Variants in C2orf69 observed in about 807,000 individuals in gnomAD.
The protein encoded by C2orf69 is mitochondrial protein C2orf69.
In C2orf69, 19 loss-of-function variants were observed where a neutral mutation model predicts 29.5. That is an observed-to-expected ratio of 0.65 (90% CI 0.45 to 0.95). C2orf69 has a LOEUF of 0.95. C2orf69 is among the 40% of genes least tolerant of loss of function. The pLI is 0.00. For missense variants in C2orf69, 416 were observed against 482.1 expected, an observed-to-expected ratio of 0.86 and a Z score of 1.28; for synonymous variants, 194 against 180.0, an observed-to-expected ratio of 1.08 and a Z score of -0.62.
chr2:199,923,339 G>C (rs1006048487), intron 1 of C2orf69, among the ~76,000 whole-genome samples: 6 of 152,124 alleles, frequency 3.9e-5, no homozygotes, highest in Non-Finnish European at 5.9e-5. Context: ...CTAATCACTT[G>C]TGGCTATTGC....
chr2:199,911,671 G>C lies in C2orf69; in HGVS notation c.233G>C (p.Gly78Ala), dbSNP rs1559290602. The part of the protein sequence containing the change: ...SNELLLLAAA[G>A]EGLERQDLPG... ...GAATTGCTCCTGTTGGCGGCGGCCG[G>C]GGAGGGACTGGAGCGGCAGGACCTC... The change falls in exon 1 of 2, where the codon GGG becomes GCG. Residue 78 changes from glycine (G) to alanine (A), a missense_variant. This residue lies in a region of C2orf69 where 175 missense variants were observed against 139.9 expected (regional missense o/e 1.25). Coordinates refer to ENST00000319974, the MANE Select transcript of C2orf69 (RefSeq NM_153689.6). 4.5e-6 allele frequency: 7 copies of C among 1,548,026 alleles called. No homozygotes were observed. The highest frequency in any genetic ancestry group is 6.1e-6 in the Non-Finnish European group (7 of 1,146,810).
At chr2:199,918,448 G>A (rs538439372) in intron 1 of C2orf69, among the ~76,000 whole-genome samples, 6 of 152,126 alleles carry the variant, frequency 3.9e-5, no homozygotes, top group South Asian at 4.2e-4. Flanking sequence ...TGCAACCTCC[G>A]TCTCCCGGGT....
chr2:199,921,714 A>G (rs1287131027), intron 1 of C2orf69, among the ~76,000 whole-genome samples: 1 of 152,066 alleles, frequency 6.6e-6, no homozygotes, highest in Non-Finnish European at 1.5e-5. Flanking sequence ...AAAACTATGT[A>G]TAAGCTTATT....
rs762882770 is a variant in C2orf69, at chr2:199,911,684, G to A, written c.246G>A (p.Glu82=). 68 of 1,547,082 alleles carry A rather than the reference G, an allele frequency of 4.4e-5. 1 individual carries two copies. In the South Asian group the frequency reaches 5.4e-4, roughly 12 times the overall value. Residue 82 remains glutamate, a synonymous_variant, in exon 1 of 2, where the codon GAG becomes GAA. Coordinates refer to ENST00000319974, the MANE Select transcript of C2orf69 (RefSeq NM_153689.6). ...TGGCGGCGGCCGGGGAGGGACTGGA[G>A]CGGCAGGACCTCCCCGGGGACCCAG... ...LLLAAAGEGL[E]RQDLPGDPAK... is the part of the protein sequence containing the mutation.
intron 1 of C2orf69, among the ~76,000 whole-genome samples, chr2:199,922,053 A>G (rs1302567882): frequency 7.2e-6 from 1 of 139,824 alleles, no homozygotes; most frequent in African/African-American, 2.6e-5. Flanking sequence ...ATATATATAT[A>G]TGCTTCCAGA....
At chr2:199,914,078 C>T (rs915709897) in intron 1 of C2orf69, among the ~76,000 whole-genome samples, 2 of 152,280 alleles carry the variant, frequency 1.3e-5, no homozygotes, top group African/African-American at 4.8e-5. Context: ...TGTGTGGATA[C>T]TAAATGAGTT....
At position 199,911,510 on chromosome 2, in the gene C2orf69, C is replaced by T. The variant is rs2077258377; in HGVS notation, c.72C>T (p.Ala24=). ...LLLPQLGIGN[A]SSCSQARTMN... ...TGCCGCAGCTCGGAATCGGAAACGC[C>T]TCGTCCTGCTCTCAGGCCAGAACCA... The change falls in exon 1 of 2, where the codon GCC becomes GCT. Residue 24 remains alanine (A), a synonymous_variant. Transcript: ENST00000319974. 1.9e-6 allele frequency: 3 copies of T among 1,548,868 alleles called. No homozygotes were observed. The highest frequency in any genetic ancestry group is 1.4e-5 in the African/African-American group (1 of 72,892).
chr2:199,913,481 A>AGT (rs1553564911), intron 1 of C2orf69, among the ~76,000 whole-genome samples: 2 of 104,686 alleles, frequency 1.9e-5, no homozygotes, highest in South Asian at 2.4e-4. Flanking sequence ...TATTATATAA[A>AGT]ATATATATTA....
intron 1 of C2orf69, among the ~76,000 whole-genome samples, chr2:199,918,431 G>T (rs978010761): frequency 2.0e-5 from 3 of 151,940 alleles, no homozygotes; most frequent in Non-Finnish European, 4.4e-5. Flanking sequence ...GTACAATCTC[G>T]GCTCACTGCA....
chr2:199,916,804 T>C (rs1488612749), intron 1 of C2orf69, among the ~76,000 whole-genome samples: 1 of 152,220 alleles, frequency 6.6e-6, no homozygotes, highest in Middle Eastern at 3.2e-3. Flanking sequence ...CCAGGCTGCC[T>C]TCATGGCTGG....
rs2077321548 is a variant in C2orf69 at position 199,922,625 on chromosome 2, A to T, written c.334-2437A>T. 2.6e-5 allele frequency among the ~76,000 whole-genome samples: 4 copies of T among 152,198 alleles called. No homozygotes were observed. The South Asian group carries it at 8.3e-4, about 32-fold the overall frequency. On this transcript the variant is annotated intron_variant, in intron 1 of 1. Transcript: ENST00000319974. ...TTAAAACTGATAGATACTGTATATC[A>T]CCATTAGAAATAAGGAAAACTCACA...
At position 199,911,562 on chromosome 2, in the gene C2orf69, C is replaced by G; in HGVS notation, c.124C>G (p.Arg42Gly). 1 of 1,549,734 alleles carries G rather than the reference C, an allele frequency of 6.5e-7. No homozygotes were observed. The highest frequency in any genetic ancestry group is 8.7e-7 in the Non-Finnish European group (1 of 1,146,710). The change falls in exon 1 of 2, where the codon CGA becomes GGA. Residue 42 changes from arginine to glycine, a missense_variant. Coordinates refer to ENST00000319974, the MANE Select transcript of C2orf69 (RefSeq NM_153689.6). ...GAACCCGGGCGGCAGCGGCGGCGCG[C>G]GATGCTCCCTCTCGGCCGAGGTGCG... is the stretch of plus-strand genomic sequence containing the variant. ...TMNPGGSGGA[R>G]CSLSAEVRRR...
chr2:199,911,683 A>G lies in C2orf69; in HGVS notation c.245A>G (p.Glu82Gly). Residue 82 changes from glutamate (E) to glycine (G), a missense_variant, in exon 1 of 2, where the codon GAG becomes GGG. Coordinates refer to ENST00000319974, the MANE Select transcript of C2orf69 (RefSeq NM_153689.6). ...LLLAAAGEGL[E>G]RQDLPGDPAK... ...TTGGCGGCGGCCGGGGAGGGACTGG[A>G]GCGGCAGGACCTCCCCGGGGACCCA... 1 of 1,547,134 alleles carries G rather than the reference A, an allele frequency of 6.5e-7. No homozygotes were observed. The highest frequency in any genetic ancestry group is 1.4e-5 in the African/African-American group (1 of 73,140).
rs185630507 is a variant in C2orf69 at position 199,922,254 on chromosome 2, C to T, written c.334-2808C>T. On this transcript the variant is annotated intron_variant, in intron 1 of 1. Transcript: ENST00000319974. ...GGGACTACAGGGGCACACCACCACA[C>T]CCTGCCAATTTTTGTTGTTGTTGTT... is the stretch of plus-strand genomic sequence containing the variant. 1.8e-3 allele frequency among the ~76,000 whole-genome samples: 277 copies of T among 151,854 alleles called. 4 individuals are homozygous for T. The highest frequency in any genetic ancestry group is 4.6e-3 in the Admixed American group (70 of 15,240).
In C2orf69 at chr2:199,926,913, C is replaced by T. The variant is rs530450847; in HGVS notation, c.*1027C>T. 3.3e-5 allele frequency: 5 copies of T among 152,598 alleles called. No individual in the cohort carries two copies. The highest frequency in any genetic ancestry group is 7.4e-5 in the Non-Finnish European group (5 of 67,990). The allele number at this position is 152,598 out of a possible 1,614,324, so 9.5% of individuals were successfully genotyped here. A position where few individuals can be genotyped will look rare whatever the true frequency, so the allele number is the denominator to read the frequency against. On this transcript the variant is annotated 3_prime_UTR_variant, in exon 2 of 2. Transcript: ENST00000319974. ...ATATAATGCTCTATTTGTTAGAGCT[C>T]TATTAAAAAGGAAACAGATTCCATA...
rs1416446243 is a variant in C2orf69, at chr2:199,911,480, C to T, written c.42C>T (p.Leu14=). ...TCCTGCGGTCGCCGCCGTTGCTGCT[C>T]CTGCTGCCGCAGCTCGGAATCGGAA... ...FRLLRSPPLL[L]LLPQLGIGNA... is the part of the protein sequence containing the mutation. Residue 14 remains leucine (L), a synonymous_variant, in exon 1 of 2, where the codon CTC becomes CTT. Transcript: ENST00000319974. 3 of 1,546,704 alleles carry T rather than the reference C, an allele frequency of 1.9e-6. No individual in the cohort carries two copies. Among genetic ancestry groups the T allele is most frequent in the Middle Eastern group, 1.7e-4 (1 of 5,872 alleles).
intron 1 of C2orf69, among the ~76,000 whole-genome samples, chr2:199,917,825 T>G (rs1356297033): frequency 1.3e-5 from 2 of 152,292 alleles, no homozygotes; most frequent in East Asian, 3.9e-4. Context: ...CAGTACCAAT[T>G]TACTGTATTA....
chr2:199,916,642 G>T (rs1306182411), intron 1 of C2orf69, among the ~76,000 whole-genome samples: 1 of 152,158 alleles, frequency 6.6e-6, no homozygotes, highest in Non-Finnish European at 1.5e-5. Context: ...CCAAAACAAA[G>T]GGGCTACAGG....
intron 1 of C2orf69, among the ~76,000 whole-genome samples, chr2:199,912,227 C>T (rs1350767916): frequency 6.6e-6 from 1 of 151,676 alleles, no homozygotes; most frequent in Non-Finnish European, 1.5e-5. Flanking sequence ...GTATGACATC[C>T]AGTAACCCTA....
Sources: allele counts gnomAD v4.1 joint callset (sites outside exome capture counted in the v4.1 genomes callset), GRCh38; gene constraint gnomAD v4.1.1; regional missense constraint gnomAD v4.1.1; transcripts MANE v1.5; gene names NCBI Gene and HGNC (gene_info 2026-07-23, HGNC 2026-07-21).